Variants in PRDM5 observed in about 807,000 individuals in gnomAD.
PRDM5 encodes the protein PR/SET domain 5, also known as PR domain zinc finger protein 5.
A neutral mutation model predicts 81.2 loss-of-function variants in PRDM5; 56 were observed. The ratio of observed to expected loss-of-function variants is 0.69; its 90% CI spans 0.56 to 0.86. The LOEUF is 0.86. Among genes scored for constraint, PRDM5 ranks in the 40% least tolerant of loss-of-function variants. The pLI, the probability that PRDM5 is intolerant of heterozygous loss-of-function variation, is 0.00. For synonymous variants in PRDM5, 267 were observed against 256.4 expected (o/e 1.04, Z -0.39); for missense variants, 697 against 770.1 (o/e 0.91, Z 1.12).
chr4:120,699,707 C>A (rs1242275029), intron 15 of PRDM5, among the ~76,000 whole-genome samples: 1 of 151,988 alleles, frequency 6.6e-6, no homozygotes, highest in Non-Finnish European at 1.5e-5. Context: ...ATACATCTAA[C>A]CAAGGTGGTG....
intron 15 of PRDM5, among the ~76,000 whole-genome samples, chr4:120,709,929 T>C (rs1353493183): frequency 2.0e-5 from 3 of 152,202 alleles, no homozygotes; most frequent in Admixed American, 6.5e-5. Context: ...GTAAATAATA[T>C]GTATGACCAG....
chr4:120,787,710 AT>A (rs1336479861), intron 10 of PRDM5, among the ~76,000 whole-genome samples: 5 of 152,212 alleles, frequency 3.3e-5, no homozygotes, highest in Non-Finnish European at 7.3e-5. Flanking sequence ...GAGCAATGCA[AT>A]GATGGATTAG....
At chr4:120,705,231 A>C (rs1358281749) in intron 15 of PRDM5, among the ~76,000 whole-genome samples, 1 of 152,170 alleles carries the variant, frequency 6.6e-6, no homozygotes, top group Admixed American at 6.6e-5. Context: ...AATGCTTCCC[A>C]CATGCCAGGC....
chr4:120,826,548 C>G (rs72680413), intron 3 of PRDM5, among the ~76,000 whole-genome samples: 1 of 152,066 alleles, frequency 6.6e-6, no homozygotes, highest in East Asian at 1.9e-4. Flanking sequence ...AAAGAATTAT[C>G]AAGTGCAAGC....
chr4:120,781,841 C>A (rs1290796021), intron 11 of PRDM5, among the ~76,000 whole-genome samples: 1 of 152,164 alleles, frequency 6.6e-6, no homozygotes, highest in African/African-American at 2.4e-5. Context: ...GTTACAATGC[C>A]CCTGCTTCCT....
At chr4:120,699,613 C>A (rs1426773323) in intron 15 of PRDM5, among the ~76,000 whole-genome samples, 1 of 151,986 alleles carries the variant, frequency 6.6e-6, no homozygotes, top group Non-Finnish European at 1.5e-5. Context: ...GCCAGGGCAC[C>A]AAAGTCAAAT....
At chr4:120,808,964 C>A (rs1753427427) in intron 8 of PRDM5, among the ~76,000 whole-genome samples, 1 of 152,238 alleles carries the variant, frequency 6.6e-6, no homozygotes, top group African/African-American at 2.4e-5. Context: ...CACCTCCTGG[C>A]AAGCTGAGGG....
At chr4:120,775,925 T>C (rs761644033) in intron 13 of PRDM5, among the ~76,000 whole-genome samples, 10 of 152,062 alleles carry the variant, frequency 6.6e-5, no homozygotes, top group Non-Finnish European at 1.3e-4. Context: ...AACTTTCTGT[T>C]CCCTCTTCAT....
At chr4:120,883,923 A>G (rs1763122477) in intron 2 of PRDM5, among the ~76,000 whole-genome samples, 1 of 152,168 alleles carries the variant, frequency 6.6e-6, no homozygotes. Flanking sequence ...TTAGACAGTG[A>G]GGGTAACTGC....
In PRDM5 at chr4:120,798,377, G is replaced by T; in HGVS notation, c.1078C>A (p.Leu360Ile). 1 of 1,612,960 alleles carries T rather than the reference G, an allele frequency of 6.2e-7. No individual in the cohort carries two copies. Among genetic ancestry groups the T allele is most frequent in the Non-Finnish European group, 8.5e-7 (1 of 1,179,180 alleles). The part of the protein sequence containing the change: ...CEICNKSFKR[L>I]DQVGAHKVIH... ...ACTTTGTGAGCACCCACTTGATCAA[G>T]CCTCTTGAAAGACTTATTACAAATC... is the stretch of plus-strand genomic sequence containing the variant. Residue 360 changes from leucine (L) to isoleucine (I), a missense_variant, in exon 10 of 16, where the codon CTT becomes ATT. Transcript: ENST00000264808.
rs200331593 is a variant in PRDM5, at chr4:120,917,794, GT to G, written c.93+4721del. Among the ~76,000 whole-genome samples, 1,184 of 151,600 alleles carry G rather than the reference GT, an allele frequency of 7.8e-3. 16 individuals carry two copies. The highest frequency in any genetic ancestry group is 9.8e-3 in the Non-Finnish European group (668 of 67,888). Reference sequence around the variant, plus strand: ...TCTTTTCTTATTTTTGTAAACTTATGTTTTTTTTAAAAGTGTGCATGTGTTT... The same window carrying G: ...TCTTTTCTTATTTTTGTAAACTTATGTTTTTTTAAAAGTGTGCATGTGTTT... On this transcript the variant is annotated intron_variant, in intron 1 of 15. Coordinates refer to ENST00000264808, the MANE Select transcript of PRDM5 (RefSeq NM_018699.4).
intron 13 of PRDM5, among the ~76,000 whole-genome samples, chr4:120,758,662 C>G (rs1384060000): frequency 6.6e-6 from 1 of 152,146 alleles, no homozygotes; most frequent in Non-Finnish European, 1.5e-5. Context: ...AGACTTACAG[C>G]CTCCAGAACT....
At position 120,821,192 on chromosome 4, in the gene PRDM5, G is replaced by A; in HGVS notation, c.454C>T (p.Gln152Ter). The A allele has an allele frequency of 6.2e-7, 1 of 1,614,102 alleles. No individual in the cohort carries two copies. The highest frequency in any genetic ancestry group is 1.1e-5 in the South Asian group (1 of 91,080). ...ATACCTTTTCTGCCCGCTGTTGATT[G>A]TCTTCTAGAATTTTCAACTTCCCCT... ...KEGEVENSRR[Q>*]STAGRKDRLG... The change falls in exon 4 of 16, where the codon CAA becomes TAA. Residue 152 changes from glutamine to a stop codon, truncating the protein, a stop_gained. Transcript: ENST00000264808. LOFTEE classifies it high-confidence loss of function.
chr4:120,913,917 C>A (rs1299245756), intron 1 of PRDM5, among the ~76,000 whole-genome samples: 1 of 152,160 alleles, frequency 6.6e-6, no homozygotes, highest in African/African-American at 2.4e-5. Flanking sequence ...GAACTGACAG[C>A]CTATCTGCCA....
At chr4:120,845,709 G>A (rs1378141841) in intron 3 of PRDM5, among the ~76,000 whole-genome samples, 9 of 152,104 alleles carry the variant, frequency 5.9e-5, no homozygotes, top group Non-Finnish European at 1.0e-4. Context: ...GATAAATTTC[G>A]ACTTTCAAAT....
intron 14 of PRDM5, among the ~76,000 whole-genome samples, chr4:120,711,453 C>T (rs937219598): frequency 7.3e-6 from 1 of 136,100 alleles, no homozygotes; most frequent in African/African-American, 2.8e-5. Flanking sequence ...CACCTGCTGC[C>T]ATACCCAGCT....
chr4:120,809,359 T>C (rs1482554848), intron 8 of PRDM5, among the ~76,000 whole-genome samples: 1 of 152,090 alleles, frequency 6.6e-6, no homozygotes, highest in Non-Finnish European at 1.5e-5. Flanking sequence ...AACCTGCACG[T>C]TGTGCACATG....
intron 14 of PRDM5, among the ~76,000 whole-genome samples, chr4:120,722,515 G>C (rs1440993143): frequency 6.6e-6 from 1 of 151,882 alleles, no homozygotes. Context: ...GCTAAGCCTT[G>C]GCTCCACACT....
intron 14 of PRDM5, among the ~76,000 whole-genome samples, chr4:120,748,341 T>C (rs560509642): frequency 3.3e-4 from 50 of 152,242 alleles, no homozygotes; most frequent in African/African-American, 1.2e-3. Context: ...AAAGCTACAA[T>C]GTGAAAACTA....
Sources: allele counts gnomAD v4.1 joint callset (sites outside exome capture counted in the v4.1 genomes callset), GRCh38; gene constraint gnomAD v4.1.1; transcripts MANE v1.5; gene names NCBI Gene and HGNC (gene_info 2026-07-23, HGNC 2026-07-21).